AHDC1: variants seen among roughly 807,000 people sequenced by gnomAD.
AHDC1 encodes the protein AT-hook DNA binding motif containing 1.
A neutral mutation model predicts 87.9 loss-of-function variants in AHDC1; 7 were observed. The ratio of observed to expected loss-of-function variants is 0.08; its 90% CI spans 0.05 to 0.15. The LOEUF (loss-of-function observed/expected upper bound fraction) is 0.15, where lower values mean the gene tolerates loss of function less well. Among genes scored for constraint, AHDC1 ranks in the 10% least tolerant of loss-of-function variants. The pLI is 1.00. For synonymous variants in AHDC1, 1,051 were observed against 1,006.8 expected (o/e 1.04, Z -0.83); for missense variants, 1,841 against 2,253.2 (o/e 0.82, Z 3.70).
intron 3 of AHDC1, among the ~76,000 whole-genome samples, chr1:27,600,400 G>A (rs1401041641): frequency 6.6e-6 from 1 of 151,878 alleles, no homozygotes; most frequent in African/African-American, 2.4e-5. Flanking sequence ...CTGGTACACA[G>A]GCATGGCACC....
chr1:27,601,901 T>C (rs1309964093), intron 3 of AHDC1, among the ~76,000 whole-genome samples: 1 of 152,178 alleles, frequency 6.6e-6, no homozygotes, highest in African/African-American at 2.4e-5. Flanking sequence ...GTGGCCACCC[T>C]GACCCGGAGG....
chr1:27,567,464 C>G (rs1476952002), intron 3 of AHDC1, among the ~76,000 whole-genome samples: 1 of 152,180 alleles, frequency 6.6e-6, no homozygotes, highest in Non-Finnish European at 1.5e-5. Context: ...TCTGAAGGAA[C>G]AGGCTGAGGC....
At chr1:27,572,376 A>G (rs1334177294) in intron 3 of AHDC1, among the ~76,000 whole-genome samples, 3 of 152,086 alleles carry the variant, frequency 2.0e-5, no homozygotes, top group Non-Finnish European at 4.4e-5. Flanking sequence ...AGAAGGGAAG[A>G]GGCACCCAAA....
chr1:27,536,788 C>A (rs760795522), intron 8 of AHDC1, among the ~76,000 whole-genome samples: 1 of 152,076 alleles, frequency 6.6e-6, no homozygotes, highest in Non-Finnish European at 1.5e-5. Flanking sequence ...TATTGTCCAA[C>A]GCCAGCCTCC....
At position 27,590,876 on chromosome 1, in the gene AHDC1, C is replaced by T. The variant is rs1336433579; in HGVS notation, c.-629+12521G>A. 2.5e-4 allele frequency among the ~76,000 whole-genome samples: 38 copies of T among 152,302 alleles called. No homozygotes were observed. The highest frequency in any genetic ancestry group is 3.4e-3 in the Middle Eastern group (1 of 294). On this transcript the variant is annotated intron_variant, in intron 3 of 8. Coordinates refer to ENST00000673934, the MANE Select transcript of AHDC1 (RefSeq NM_001371928.1). This position sits in a 1 kb window ranked among gnomAD's most constrained non-coding sequence, Gnocchi z 5.4. The stretch of plus-strand genomic sequence containing the variant: ...TCAGCTGGAGGGAGTGGGGAACAGG[C>T]AGGTGGGCTCCCTCAACCCCCAGCA...
intron 3 of AHDC1, among the ~76,000 whole-genome samples, chr1:27,570,825 C>T (rs376159007): frequency 2.3e-4 from 35 of 152,152 alleles, no homozygotes; most frequent in African/African-American, 7.7e-4. Flanking sequence ...CCCCTTGCCC[C>T]AGCTTCTTGG....
rs1449226172 is a variant in AHDC1, at chr1:27,551,791, G to A, written c.325C>T (p.Arg109Cys). 4 of 1,613,130 alleles carry A rather than the reference G, an allele frequency of 2.5e-6. No homozygotes were observed. Among genetic ancestry groups the A allele is most frequent in the African/African-American group, 1.3e-5 (1 of 74,956 alleles). Residue 109 changes from arginine to cysteine, a missense_variant, in exon 8 of 9, where the codon CGC (arginine) becomes TGC (cysteine). By Grantham distance (180) the Arg-to-Cys change is radical. Coordinates refer to ENST00000673934, the MANE Select transcript of AHDC1 (RefSeq NM_001371928.1). ...TTCACCCGCCCGTTGTCCCAGCAGC[G>A]TCGGGAGCTGCTGCCGTCTCCGACC... is the stretch of plus-strand genomic sequence containing the variant. ...TPVGDGSSSR[R>C]CWDNGRVNLR...
Position 27,547,033 on chromosome 1 carries a change from C to A in AHDC1, c.*43+228G>T, listed in dbSNP as rs1224323151. 6.6e-6 allele frequency among the ~76,000 whole-genome samples: 1 copy of A among 151,884 alleles called. No individual in the cohort carries two copies. The highest frequency in any genetic ancestry group is 2.4e-5 in the African/African-American group (1 of 41,310). ...GGCCATTTCAATTCACAAGACCCCC[C>A]CGAACGTTCAAGCCCCCTGCTGAGT... is the stretch of plus-strand genomic sequence containing the variant. On this transcript the variant is annotated intron_variant, in intron 8 of 8. Transcript: ENST00000673934. The surrounding 1 kb of genome is among the most constrained non-coding windows in gnomAD (Gnocchi z 4.9).
intron 3 of AHDC1, among the ~76,000 whole-genome samples, chr1:27,575,485 G>A (rs2088695418): frequency 6.6e-6 from 1 of 151,914 alleles, no homozygotes; most frequent in African/African-American, 2.4e-5. Context: ...CCCTCGCCGC[G>A]GAGGCGCCCC....
At chr1:27,586,636 C>T (rs1225995311) in intron 3 of AHDC1, among the ~76,000 whole-genome samples, 2 of 152,180 alleles carry the variant, frequency 1.3e-5, no homozygotes, top group South Asian at 2.1e-4. Flanking sequence ...GGGCTGGAGG[C>T]GTGTGTCACC....
intron 3 of AHDC1, among the ~76,000 whole-genome samples, chr1:27,564,300 C>A (rs1236907803): frequency 1.3e-5 from 2 of 152,062 alleles, no homozygotes; most frequent in Admixed American, 1.3e-4. Flanking sequence ...GGGGAAGGGG[C>A]CGCAGTGAGA....
intron 3 of AHDC1, among the ~76,000 whole-genome samples, chr1:27,572,685 G>C (rs1459808259): frequency 6.6e-6 from 1 of 152,220 alleles, no homozygotes; most frequent in African/African-American, 2.4e-5. Context: ...GTGTGGGACT[G>C]TGCTGACTCC....
At position 27,550,800 on chromosome 1, in the gene AHDC1, G is replaced by A. The variant is rs2019500194; in HGVS notation, c.1316C>T (p.Ala439Val). The A allele has an allele frequency of 6.4e-7, 1 of 1,566,508 alleles. No homozygotes were observed. ...TGAGACCGGGCCTGGGCCTGGCAGG[G>A]CAGGGGGTGGAGGAGGCGGTGGTGG... ...PPPPPPPPPPALPGPGPVSVP... is the reference protein window; with the variant it reads ...PPPPPPPPPPVLPGPGPVSVP... The change falls in exon 8 of 9, where the codon GCC becomes GTC. Residue 439 changes from alanine to valine, a missense_variant. By Grantham distance (64) the Ala-to-Val change is moderately conservative (BLOSUM62 0). Transcript: ENST00000673934.
intron 3 of AHDC1, among the ~76,000 whole-genome samples, chr1:27,582,865 G>A (rs1234856733): frequency 1.3e-5 from 2 of 152,206 alleles, no homozygotes; most frequent in Non-Finnish European, 2.9e-5. Flanking sequence ...TGCAGAGCCT[G>A]CCTTCTTGAT....
rs766999202 is a variant in AHDC1, at chr1:27,551,950, C to T, written c.166G>A (p.Ala56Thr). 15 of 1,153,536 alleles carry T rather than the reference C, an allele frequency of 1.3e-5. No homozygotes were observed. In the Admixed American group the frequency reaches 1.5e-4, roughly 12 times the overall value. The allele number at this position is 1,153,536 out of a possible 1,614,324, so 71.5% of individuals were successfully genotyped here. ...GGTGGGCGTGGGTTCTCGGAGAAGG[C>T]GTGGGTGGAGAAGGCCTTGTCAGGT... The part of the protein sequence containing the change: ...SPPDKAFSTH[A>T]FSENPRPPPR... The change falls in exon 8 of 9, where the codon GCC becomes ACC. Residue 56 changes from alanine to threonine, a missense_variant. By Grantham distance (58) the Ala-to-Thr change is moderately conservative. This residue lies in a region of AHDC1 where 142 missense variants were observed against 165.6 expected (regional missense o/e 0.86). Coordinates refer to ENST00000673934, the MANE Select transcript of AHDC1 (RefSeq NM_001371928.1).
intron 3 of AHDC1, among the ~76,000 whole-genome samples, chr1:27,576,545 C>T (rs1000687781): frequency 3.9e-5 from 6 of 152,148 alleles, no homozygotes; most frequent in African/African-American, 1.2e-4. Context: ...CTGAAGTTCA[C>T]GAAGGTTAAG....
chr1:27,549,053 G>A lies in AHDC1; in HGVS notation c.3063C>T (p.Ala1021=), dbSNP rs574226832. The A allele has an allele frequency of 7.9e-5, 125 of 1,573,736 alleles. 2 individuals are homozygous for A. In the South Asian group the frequency reaches 1.1e-3, roughly 14 times the overall value. ...SPSSAHSAGY[A]PPPTGGPCLP... ...GGCAGGGGCCCCCGGTAGGCGGTGG[G>A]GCATAGCCGGCGCTGTGGGCGCTGC... Residue 1021 remains alanine (A), a synonymous_variant, in exon 8 of 9, where the codon GCC becomes GCT. Coordinates refer to ENST00000673934, the MANE Select transcript of AHDC1 (RefSeq NM_001371928.1).
rs2148469035 is a variant in AHDC1 at position 27,590,227 on chromosome 1, C to G, written c.-629+13170G>C. 6.6e-6 allele frequency among the ~76,000 whole-genome samples: 1 copy of G among 152,288 alleles called. No individual in the cohort carries two copies. Among genetic ancestry groups the G allele is most frequent in the East Asian group, 1.9e-4 (1 of 5,166 alleles). ...GTTTGGCAGCGCGCCTGCTGGAGACCCGCCCTCACCCGCCAGGATGCCTGG... is the reference window on the plus strand; with the variant it reads ...GTTTGGCAGCGCGCCTGCTGGAGACGCGCCCTCACCCGCCAGGATGCCTGG... On this transcript the variant is annotated intron_variant, in intron 3 of 8. Coordinates refer to ENST00000673934, the MANE Select transcript of AHDC1 (RefSeq NM_001371928.1). The surrounding 1 kb of genome is among the most constrained non-coding windows in gnomAD (Gnocchi z 5.4).
At chr1:27,566,628 G>A (rs1395900616) in intron 3 of AHDC1, among the ~76,000 whole-genome samples, 1 of 141,294 alleles carries the variant, frequency 7.1e-6, no homozygotes, top group Non-Finnish European at 1.5e-5. Context: ...ACACTACTAA[G>A]TGTTAGAGTG....
Sources: allele counts gnomAD v4.1 joint callset (sites outside exome capture counted in the v4.1 genomes callset), GRCh38; gene constraint gnomAD v4.1.1; regional missense constraint gnomAD v4.1.1; non-coding constraint Gnocchi (gnomAD v3.1); transcripts MANE v1.5; gene names NCBI Gene and HGNC (gene_info 2026-07-23, HGNC 2026-07-21).